ERN1: variants seen among roughly 807,000 people sequenced by gnomAD.
ERN1 encodes the protein serine/threonine-protein kinase/endoribonuclease IRE1.
A neutral mutation model predicts 113.1 loss-of-function variants in ERN1; 39 were observed. The ratio of observed to expected loss-of-function variants is 0.34; its 90% confidence interval spans 0.27 to 0.45. The LOEUF is 0.45. Among genes scored for constraint, ERN1 ranks in the 20% least tolerant of loss-of-function variants. ERN1 has a pLI of 1.00. For synonymous variants in ERN1, 507 were observed against 515.9 expected, an observed-to-expected ratio of 0.98 and a Z score of 0.23; for missense variants, 976 against 1,274.8, an observed-to-expected ratio of 0.77 and a Z score of 3.57.
chr17:64,062,641 A>T (rs1291053030), intron 10 of ERN1, among the ~76,000 whole-genome samples: 1 of 152,184 alleles, frequency 6.6e-6, no homozygotes, highest in Non-Finnish European at 1.5e-5. Flanking sequence ...TCTCATATAT[A>T]CACATTTCCT....
chr17:64,077,162 C>G (rs1173433120), intron 4 of ERN1, among the ~76,000 whole-genome samples: 1 of 152,224 alleles, frequency 6.6e-6, no homozygotes, highest in Non-Finnish European at 1.5e-5. Flanking sequence ...CCCTCCTCCC[C>G]TCTGTTTTGG....
intron 15 of ERN1, among the ~76,000 whole-genome samples, chr17:64,053,754 T>C (rs1182836131): frequency 6.6e-6 from 1 of 152,070 alleles, no homozygotes; most frequent in South Asian, 2.1e-4. Flanking sequence ...ACTGTCCAGG[T>C]TTCCTGGAGG....
At chr17:64,103,795 T>C (rs1382933798) in intron 1 of ERN1, among the ~76,000 whole-genome samples, 1 of 152,176 alleles carries the variant, frequency 6.6e-6, no homozygotes, top group African/African-American at 2.4e-5. Context: ...TAAAGAGAAT[T>C]ATGGACACAG....
intron 1 of ERN1, 80 bp downstream of exon 1, chr17:64,129,896 G>T: frequency 7.9e-7 from 1 of 1,266,002 alleles, no homozygotes; most frequent in Non-Finnish European, 1.0e-6. Flanking sequence ...TCGGACTCCA[G>T]CCCCGGCGCC....
intron 1 of ERN1, among the ~76,000 whole-genome samples, chr17:64,118,950 T>C (rs745393313): frequency 2.6e-5 from 4 of 152,174 alleles, no homozygotes; most frequent in African/African-American, 4.8e-5. Context: ...ACAAGCTTCT[T>C]CTTGTGCTTT....
At chr17:64,061,175 C>T (rs1335415713) in intron 10 of ERN1, among the ~76,000 whole-genome samples, 1 of 152,238 alleles carries the variant, frequency 6.6e-6, no homozygotes, top group Non-Finnish European at 1.5e-5. Context: ...CGCATGGCTA[C>T]TGAGCATTCA....
At chr17:64,096,767 C>T (rs1197187714) in intron 2 of ERN1, among the ~76,000 whole-genome samples, 1 of 152,146 alleles carries the variant, frequency 6.6e-6, no homozygotes, top group African/African-American at 2.4e-5. Flanking sequence ...GGAGAGGACA[C>T]AGTTTTGTTG....
At chr17:64,072,172 CCAA>C in intron 5 of ERN1, 69 bp from the exon 6 acceptor site, 1 of 1,555,364 alleles carries the variant, frequency 6.4e-7, no homozygotes, top group Non-Finnish European at 8.8e-7. Flanking sequence ...AAACTAGCAG[CCAA>C]GATGCTCTGT....
chr17:64,087,104 C>T (rs1913957213), intron 2 of ERN1, among the ~76,000 whole-genome samples: 1 of 152,148 alleles, frequency 6.6e-6, no homozygotes, highest in Admixed American at 6.5e-5. Flanking sequence ...TAGGTTCTTC[C>T]CCCAGGAAGC....
At chr17:64,070,328 G>A (rs1300327879) in intron 6 of ERN1, among the ~76,000 whole-genome samples, 1 of 152,162 alleles carries the variant, frequency 6.6e-6, no homozygotes, top group Non-Finnish European at 1.5e-5. Flanking sequence ...GGGGTGGTTT[G>A]TCATGCAGCA....
At chr17:64,101,896 T>C (rs1222404792) in intron 1 of ERN1, among the ~76,000 whole-genome samples, 1 of 152,194 alleles carries the variant, frequency 6.6e-6, no homozygotes, top group East Asian at 1.9e-4. Context: ...GTGGAAGCAC[T>C]AGTGGAAACA....
chr17:64,088,614 A>G (rs1913999637), intron 2 of ERN1, among the ~76,000 whole-genome samples: 1 of 152,140 alleles, frequency 6.6e-6, no homozygotes, highest in Non-Finnish European at 1.5e-5. Context: ...CTCAGAAACA[A>G]CTGTCAGATA....
chr17:64,054,863 C>T lies in ERN1; in HGVS notation c.1673-35G>A, dbSNP rs903476015. On this transcript the variant is annotated intron_variant, in intron 13 of 21. Transcript: ENST00000433197. This position sits in a 1 kb window ranked among gnomAD's most constrained non-coding sequence, Gnocchi z 4.9. ...AATAGGAAAAAGAGATTGTTTCAAA[C>T]AGATATCACCTAAAGAACCTTGAGG... The T allele has an allele frequency of 6.8e-7, 1 of 1,466,874 alleles. No individual in the cohort carries two copies. The highest frequency in any genetic ancestry group is 9.4e-7 in the Non-Finnish European group (1 of 1,063,396). 90.9% of individuals were successfully genotyped at this position (1,466,874 alleles called of 1,614,324 possible).
chr17:64,045,211 C>T (rs1598041931), intron 20 of ERN1, 148 bp downstream of exon 20: 17 of 896,804 alleles, frequency 1.9e-5, no homozygotes, highest in Non-Finnish European at 2.8e-5. Flanking sequence ...TGTAACCAAA[C>T]CACAGAGGAC....
Position 64,043,935 on chromosome 17 carries a change from G to T in ERN1, c.*53C>A. 4 of 1,272,870 alleles carry T rather than the reference G, an allele frequency of 3.1e-6. No individual in the cohort carries two copies. In the South Asian group the frequency reaches 3.9e-5, roughly 12 times the overall value. 78.8% of individuals were successfully genotyped at this position (1,272,870 alleles called of 1,614,324 possible). The stretch of plus-strand genomic sequence containing the variant: ...GGAGGCATCAAGCTCTAATTGTGGT[G>T]ACCAGGCCCTCAGTCACAGCTGGGG... On this transcript the variant is annotated 3_prime_UTR_variant, in exon 22 of 22. Transcript: ENST00000433197.
chr17:64,057,784 G>A lies in ERN1; in HGVS notation c.1398+18C>T. 1.2e-6 allele frequency: 2 copies of A among 1,610,762 alleles called. No individual in the cohort carries two copies. Among genetic ancestry groups the A allele is most frequent in the African/African-American group, 2.7e-5 (2 of 74,966 alleles). ...CCCAGAAATAGGTGGATGGCAAAGG[G>A]GAATTGTTGAGCTTTACCAGGGGAT... On this transcript the variant is annotated intron_variant, in intron 12 of 21. Transcript: ENST00000433197.
intron 18 of ERN1, 59 bp from the exon 19 acceptor site, chr17:64,048,044 C>A: frequency 6.7e-7 from 1 of 1,488,348 alleles, no homozygotes; most frequent in South Asian, 1.3e-5. Flanking sequence ...AGTGAAATAC[C>A]AAAAACTTTA....
intron 2 of ERN1, among the ~76,000 whole-genome samples, chr17:64,090,869 T>C (rs1360537624): frequency 1.3e-5 from 2 of 152,202 alleles, no homozygotes; most frequent in South Asian, 2.1e-4. Context: ...ATAATACTTC[T>C]ACATTTGGAT....
chr17:64,068,020 G>C lies in ERN1; in HGVS notation c.580+170C>G. On this transcript the variant is annotated intron_variant, in intron 7 of 21. Coordinates refer to ENST00000433197, the MANE Select transcript of ERN1 (RefSeq NM_001433.5). The stretch of plus-strand genomic sequence containing the variant: ...CCCTTCAGACTTCACCAAGGCCCCT[G>C]CACATTGACTGTGGGAAGTATTTAT... 3 of 575,088 alleles carry C rather than the reference G, an allele frequency of 5.2e-6. No individual in the cohort carries two copies. The South Asian group carries it at 6.7e-5, about 13-fold the overall frequency. 35.6% of individuals were successfully genotyped at this position (575,088 alleles called of 1,614,324 possible).
Sources: allele counts gnomAD v4.1 joint callset (sites outside exome capture counted in the v4.1 genomes callset), GRCh38; gene constraint gnomAD v4.1.1; non-coding constraint Gnocchi (gnomAD v3.1); transcripts MANE v1.5; gene names NCBI Gene and HGNC (gene_info 2026-07-23, HGNC 2026-07-21).